PRKN: variants seen among roughly 807,000 people sequenced by gnomAD.
The protein encoded by PRKN is parkin RBR E3 ubiquitin protein ligase.
Under a neutral mutation model 59.5 loss-of-function variants are expected in PRKN, and 56 were observed. The ratio of observed to expected loss-of-function variants is 0.94; its 90% confidence interval spans 0.76 to 1.18. PRKN has a LOEUF of 1.18. Among genes scored for constraint, PRKN ranks in the 50% most tolerant of loss-of-function variants. The probability of loss-of-function intolerance (pLI) is 0.00; values close to 1 mark genes in which losing one functional copy is unlikely to be tolerated. For missense variants in PRKN, 657 were observed against 596.4 expected (o/e 1.10, Z -1.06); for synonymous variants, 250 against 222.1 (o/e 1.13, Z -1.12).
chr6:161,812,774 A>G (rs887933019), intron 6 of PRKN, among the ~76,000 whole-genome samples: 2 of 152,224 alleles, frequency 1.3e-5, no homozygotes, highest in East Asian at 1.9e-4. Flanking sequence ...AAGCCCTTAA[A>G]TATTATTGTG....
At chr6:161,704,972 A>G (rs930068471) in intron 7 of PRKN, among the ~76,000 whole-genome samples, 4 of 152,164 alleles carry the variant, frequency 2.6e-5, no homozygotes, top group Non-Finnish European at 1.5e-5. Context: ...TCCTGATTTA[A>G]TTGGTTTGGG....
chr6:162,420,532 T>C (rs915987860), intron 2 of PRKN, among the ~76,000 whole-genome samples: 4 of 152,198 alleles, frequency 2.6e-5, no homozygotes, highest in African/African-American at 9.6e-5. Context: ...GGGGAGCCCC[T>C]GCCCAGTGGA....
intron 6 of PRKN, among the ~76,000 whole-genome samples, chr6:161,900,286 G>A (rs964040728): frequency 6.6e-6 from 1 of 150,928 alleles, no homozygotes; most frequent in Non-Finnish European, 1.5e-5. Flanking sequence ...GTGTTGAAAT[G>A]GAAGTGAGAG....
rs145135185 is a variant in PRKN at position 161,948,444 on chromosome 6, T to C, written c.734+24858A>G. Among the ~76,000 whole-genome samples, 1,289 of 152,288 alleles carry C rather than the reference T, an allele frequency of 8.5e-3. 20 individuals carry two copies. The highest frequency in any genetic ancestry group is 0.028 in the African/African-American group (1,156 of 41,552). On this transcript the variant is annotated intron_variant, in intron 6 of 11. Coordinates refer to ENST00000366898, the MANE Select transcript of PRKN (RefSeq NM_004562.3). ...GATACAGATGTGAATACAGTGAACATAGTTCAAGTCTACTGAGGCAGGCAA... is the reference window on the plus strand; with the variant it reads ...GATACAGATGTGAATACAGTGAACACAGTTCAAGTCTACTGAGGCAGGCAA...
At chr6:161,364,168 CAAAAAAAAA>C (rs71004043) in intron 10 of PRKN, among the ~76,000 whole-genome samples, 2 of 74,416 alleles carry the variant, frequency 2.7e-5, no homozygotes, top group African/African-American at 4.3e-5. Context: ...GACTCCGTCT[CAAAAAAAAA>C]AAAAAAAAAA....
chr6:162,418,638 G>GTGTGTGTGTGTC (rs1290671138), intron 2 of PRKN, among the ~76,000 whole-genome samples: 5 of 150,482 alleles, frequency 3.3e-5, no homozygotes, highest in Admixed American at 1.3e-4. Flanking sequence ...GTGTGTGTGT[G>GTGTGTGTGTGTC]TGTGTGTGTG....
At chr6:162,507,437 A>C (rs1329847608) in intron 1 of PRKN, among the ~76,000 whole-genome samples, 1 of 152,118 alleles carries the variant, frequency 6.6e-6, no homozygotes, top group Non-Finnish European at 1.5e-5. Context: ...AAAAAATTAT[A>C]TATATATACG....
At position 161,468,678 on chromosome 6, in the gene PRKN, G is replaced by A. The variant is rs965162437; in HGVS notation, c.1083+80176C>T. ...ATCTCCTGTCCTTGCATCCATGGCC[G>A]GGGAATTACTCTGCTATTTACCACT... On this transcript the variant is annotated intron_variant, in intron 9 of 11. Transcript: ENST00000366898. This position sits in a 1 kb window ranked among gnomAD's most constrained non-coding sequence, Gnocchi z 5.9. 5.3e-5 allele frequency among the ~76,000 whole-genome samples: 8 copies of A among 152,124 alleles called. No homozygotes were observed. The highest frequency in any genetic ancestry group is 1.0e-4 in the Non-Finnish European group (7 of 68,026).
intron 2 of PRKN, among the ~76,000 whole-genome samples, chr6:162,341,373 G>A (rs1408679565): frequency 1.3e-5 from 2 of 152,102 alleles, no homozygotes; most frequent in African/African-American, 2.4e-5. Context: ...TCCAGAATCA[G>A]AAATACCATT....
chr6:162,267,575 C>G (rs1583290862), intron 2 of PRKN, among the ~76,000 whole-genome samples: 1 of 152,172 alleles, frequency 6.6e-6, no homozygotes, highest in South Asian at 2.1e-4. Context: ...AAGAGAAAAC[C>G]CTTAATACAA....
intron 9 of PRKN, among the ~76,000 whole-genome samples, chr6:161,433,153 A>G (rs1043889427): frequency 3.3e-5 from 5 of 152,248 alleles, no homozygotes; most frequent in African/African-American, 1.2e-4. Flanking sequence ...GATACTGCTA[A>G]AAGACTTCTT....
chr6:162,184,326 T>C (rs1014039287), intron 4 of PRKN, among the ~76,000 whole-genome samples: 4 of 152,136 alleles, frequency 2.6e-5, no homozygotes, highest in African/African-American at 9.6e-5. Flanking sequence ...CTTCCAACAT[T>C]TACAAATTTG....
chr6:162,081,359 A>G (rs1462950354), intron 4 of PRKN, among the ~76,000 whole-genome samples: 1 of 152,146 alleles, frequency 6.6e-6, no homozygotes, highest in Non-Finnish European at 1.5e-5. Flanking sequence ...GTAAGTCTTG[A>G]AAGTCAAAAT....
At chr6:162,300,315 G>A (rs1474239696) in intron 2 of PRKN, among the ~76,000 whole-genome samples, 2 of 151,438 alleles carry the variant, frequency 1.3e-5, no homozygotes, top group Non-Finnish European at 2.9e-5. Context: ...TTTCAGAGAT[G>A]TGAAAAGCTG....
intron 7 of PRKN, among the ~76,000 whole-genome samples, chr6:161,620,845 A>G (rs1782869942): frequency 6.6e-6 from 1 of 152,248 alleles, no homozygotes; most frequent in Admixed American, 6.5e-5. Context: ...TTTGGTTTAC[A>G]GAGAAGTTTC....
At chr6:162,641,985 A>G (rs1348350855) in intron 1 of PRKN, among the ~76,000 whole-genome samples, 1 of 152,192 alleles carries the variant, frequency 6.6e-6, no homozygotes, top group Non-Finnish European at 1.5e-5. Flanking sequence ...TTCTCTTCAT[A>G]TGCTGGAATA....
chr6:162,568,443 G>A (rs754498172), intron 1 of PRKN: 58 of 610,304 alleles, frequency 9.5e-5, no homozygotes, highest in Admixed American at 2.3e-4. Context: ...AGCAGCTTCC[G>A]GGGGTGGCCT....
chr6:161,506,069 A>G (rs1420257464), intron 9 of PRKN, among the ~76,000 whole-genome samples: 2 of 151,054 alleles, frequency 1.3e-5, no homozygotes, highest in Non-Finnish European at 3.0e-5. Flanking sequence ...GAAGAAAGTC[A>G]TTGGTAGCTT....
Position 161,681,204 on chromosome 6 carries a change from T to A in PRKN, c.871+104568A>T, listed in dbSNP as rs139792501. 1.3e-3 allele frequency among the ~76,000 whole-genome samples: 197 copies of A among 152,220 alleles called. 1 individual carries two copies. The highest frequency in any genetic ancestry group is 4.2e-3 in the African/African-American group (176 of 41,558). ...CTTGAACTCCTGACCTCAACTGACC[T>A]GCCCACCTGTGCCTCCCAAAGTGCT... On this transcript the variant is annotated intron_variant, in intron 7 of 11. Transcript: ENST00000366898.
Sources: allele counts gnomAD v4.1 joint callset (sites outside exome capture counted in the v4.1 genomes callset), GRCh38; gene constraint gnomAD v4.1.1; non-coding constraint Gnocchi (gnomAD v3.1); transcripts MANE v1.5; gene names NCBI Gene and HGNC (gene_info 2026-07-23, HGNC 2026-07-21).